CTNNA2: variants seen among roughly 807,000 people sequenced by gnomAD.
CTNNA2 encodes catenin alpha-2.
Under a neutral mutation model 101.0 loss-of-function variants are expected in CTNNA2, and 42 were observed. The observed-to-expected ratio is 0.42, with a 90% confidence interval of 0.32 to 0.54. CTNNA2 has a LOEUF of 0.54. Among genes scored for constraint, CTNNA2 ranks in the 20% least tolerant of loss-of-function variants. The pLI is 0.14. For synonymous variants in CTNNA2, 450 were observed against 456.4 expected (o/e 0.99, Z 0.18); for missense variants, 871 against 1,223.1 (o/e 0.71, Z 4.29).
At chr2:79,696,903 T>C (rs1684685324) in intron 2 of CTNNA2, among the ~76,000 whole-genome samples, 1 of 152,030 alleles carries the variant, frequency 6.6e-6, no homozygotes, top group Admixed American at 6.6e-5. Flanking sequence ...GATTCCTTTG[T>C]CATAAGACAG....
At chr2:80,621,562 T>G (rs1451187853) in intron 18 of CTNNA2, among the ~76,000 whole-genome samples, 1 of 151,988 alleles carries the variant, frequency 6.6e-6, no homozygotes, top group East Asian at 1.9e-4. Context: ...GAAGACCGAT[T>G]CATGTTTTAA....
At chr2:79,573,539 A>G (rs975192727) in intron 1 of CTNNA2, among the ~76,000 whole-genome samples, 2 of 152,272 alleles carry the variant, frequency 1.3e-5, no homozygotes, top group Non-Finnish European at 2.9e-5. Context: ...GCATGCTGCT[A>G]TTCAGCAGGT....
At chr2:79,793,853 C>T (rs1473654594) in intron 3 of CTNNA2, among the ~76,000 whole-genome samples, 2 of 150,120 alleles carry the variant, frequency 1.3e-5, no homozygotes, top group Non-Finnish European at 3.0e-5. Flanking sequence ...TTTCTTTTTC[C>T]AACTTTCCCC....
intron 2 of CTNNA2, among the ~76,000 whole-genome samples, chr2:79,228,456 A>G (rs1331835936): frequency 3.3e-5 from 5 of 152,152 alleles, no homozygotes; most frequent in Non-Finnish European, 5.9e-5. Flanking sequence ...TGACTGGTGT[A>G]AGATGCTATT....
chr2:80,510,206 T>C (rs937883785), intron 9 of CTNNA2, among the ~76,000 whole-genome samples: 15 of 152,208 alleles, frequency 9.9e-5, no homozygotes, highest in African/African-American at 3.6e-4. Flanking sequence ...AGTCGCTCAT[T>C]GATTTTTATC....
intron 3 of CTNNA2, among the ~76,000 whole-genome samples, chr2:79,792,422 C>T (rs1414559896): frequency 6.6e-6 from 1 of 152,324 alleles, no homozygotes; most frequent in East Asian, 1.9e-4. Flanking sequence ...CACCTCTGCT[C>T]AGCCTTGTTG....
At chr2:79,234,023 G>A (rs979117322) in intron 2 of CTNNA2, among the ~76,000 whole-genome samples, 2 of 148,220 alleles carry the variant, frequency 1.3e-5, no homozygotes, top group African/African-American at 5.0e-5. Flanking sequence ...TTTTAAGTGG[G>A]GTGCTTAGAT....
At chr2:80,097,303 T>G (rs960948903) in intron 7 of CTNNA2, among the ~76,000 whole-genome samples, 4 of 152,176 alleles carry the variant, frequency 2.6e-5, no homozygotes, top group Non-Finnish European at 4.4e-5. Context: ...GGGTTGAAAA[T>G]TCTTTTCTTT....
At chr2:79,502,971 C>T (rs1671336657) in intron 4 of CTNNA2, among the ~76,000 whole-genome samples, 1 of 152,112 alleles carries the variant, frequency 6.6e-6, no homozygotes, top group South Asian at 2.1e-4. Context: ...ACAATATAGA[C>T]CTTCTCTTAC....
At chr2:79,893,994 T>TTCC (rs1684492957) in intron 6 of CTNNA2, among the ~76,000 whole-genome samples, 1 of 47,098 alleles carries the variant, frequency 2.1e-5, no homozygotes, top group African/African-American at 5.6e-5. Flanking sequence ...GGCTGTTTTC[T>TTCC]TCTTCTTCTT....
intron 18 of CTNNA2, among the ~76,000 whole-genome samples, chr2:80,629,758 G>T (rs1672075659): frequency 6.6e-6 from 1 of 152,124 alleles, no homozygotes; most frequent in Non-Finnish European, 1.5e-5. Context: ...CCAACTAGAT[G>T]CCTGTAGCAA....
intron 6 of CTNNA2, among the ~76,000 whole-genome samples, chr2:79,886,564 A>G (rs576663800): frequency 6.6e-6 from 1 of 151,720 alleles, no homozygotes; most frequent in East Asian, 2.0e-4. Flanking sequence ...ATCCTGGCTA[A>G]CATGGTGAAA....
chr2:80,428,934 C>T (rs1274301095), intron 9 of CTNNA2, among the ~76,000 whole-genome samples: 1 of 152,064 alleles, frequency 6.6e-6, no homozygotes, highest in Admixed American at 6.6e-5. Context: ...CTCCTTGCTG[C>T]CTTCCTCAAT....
chr2:79,315,314 A>G (rs1676469497), intron 3 of CTNNA2, among the ~76,000 whole-genome samples: 1 of 152,204 alleles, frequency 6.6e-6, no homozygotes, highest in African/African-American at 2.4e-5. Context: ...CCATATAGTT[A>G]CAGAGCTGTA....
intron 3 of CTNNA2, among the ~76,000 whole-genome samples, chr2:79,846,406 G>A (rs560940045): frequency 3.9e-5 from 6 of 152,188 alleles, no homozygotes; most frequent in African/African-American, 1.4e-4. Flanking sequence ...TTTTCTCTCC[G>A]ATTGTATTTT....
intron 4 of CTNNA2, among the ~76,000 whole-genome samples, chr2:79,400,135 G>A (rs1303647218): frequency 6.6e-6 from 1 of 152,052 alleles, no homozygotes; most frequent in African/African-American, 2.4e-5. Flanking sequence ...GTCATAAATA[G>A]ATAAGAGACA....
At chr2:80,597,824 T>A (rs1159670410) in intron 15 of CTNNA2, among the ~76,000 whole-genome samples, 1 of 152,182 alleles carries the variant, frequency 6.6e-6, no homozygotes, top group South Asian at 2.1e-4. Context: ...AAACAATAGA[T>A]GCTGGCAAGG....
chr2:79,332,524 C>T (rs1189980061), intron 3 of CTNNA2, among the ~76,000 whole-genome samples: 1 of 152,130 alleles, frequency 6.6e-6, no homozygotes, highest in East Asian at 1.9e-4. Context: ...AACATTGAGA[C>T]ATCAGTAGGA....
chr2:79,220,566 G>C (rs2104220088), intron 2 of CTNNA2, among the ~76,000 whole-genome samples: 1 of 152,148 alleles, frequency 6.6e-6, no homozygotes, highest in African/African-American at 2.4e-5. Context: ...GGGCCAGATG[G>C]AGGAGGCAAG....
Sources: allele counts gnomAD v4.1 joint callset (sites outside exome capture counted in the v4.1 genomes callset), GRCh38; gene constraint gnomAD v4.1.1; transcripts MANE v1.5; gene names NCBI Gene and HGNC (gene_info 2026-07-23, HGNC 2026-07-21).